BRINP3: variants seen among roughly 807,000 people sequenced by gnomAD.
BRINP3 encodes the protein BMP/retinoic acid-inducible neural-specific protein 3.
Under a neutral mutation model 71.0 loss-of-function variants are expected in BRINP3, and 19 were observed. The ratio of observed to expected loss-of-function variants is 0.27; its 90% CI spans 0.19 to 0.39. The LOEUF is 0.39. Among genes scored for constraint, BRINP3 ranks in the 10% least tolerant of loss-of-function variants. The pLI is 1.00. For synonymous variants in BRINP3, 380 were observed against 337.7 expected (o/e 1.13, Z -1.37); for missense variants, 959 against 940.8 (o/e 1.02, Z -0.25).
chr1:190,346,701 C>T (rs1453422320), intron 2 of BRINP3, among the ~76,000 whole-genome samples: 3 of 152,008 alleles, frequency 2.0e-5, no homozygotes, highest in African/African-American at 4.8e-5. Flanking sequence ...AACAAACTGC[C>T]CCTCATTCTT....
chr1:190,315,859 C>T (rs752749328), intron 2 of BRINP3, among the ~76,000 whole-genome samples: 3 of 152,124 alleles, frequency 2.0e-5, no homozygotes, highest in Non-Finnish European at 4.4e-5. Flanking sequence ...CATCACCTAC[C>T]TCATTTCCTC....
intron 3 of BRINP3, among the ~76,000 whole-genome samples, chr1:190,280,043 A>G (rs879759209): frequency 2.4e-4 from 37 of 151,910 alleles, no homozygotes; most frequent in Admixed American, 2.2e-3. Context: ...TTAAGAAAAT[A>G]TGCAAGAACT....
intron 6 of BRINP3, among the ~76,000 whole-genome samples, chr1:190,213,253 G>A (rs1436452233): frequency 6.6e-6 from 1 of 152,010 alleles, no homozygotes; most frequent in Non-Finnish European, 1.5e-5. Flanking sequence ...GTGACACATA[G>A]CTCCAGATGA....
chr1:190,304,891 A>G (rs12081131), intron 2 of BRINP3, among the ~76,000 whole-genome samples: 21,608 of 151,888 alleles, frequency 0.14, 2,049 homozygotes, highest in South Asian at 0.26. Flanking sequence ...ACCGAAATAT[A>G]CAAGGAGCTC....
Position 190,098,666 on chromosome 1 carries a change from C to A in BRINP3, c.1653G>T (p.Leu551Phe). 1 of 1,614,124 alleles carries A rather than the reference C, an allele frequency of 6.2e-7. No homozygotes were observed. The highest frequency in any genetic ancestry group is 8.5e-7 in the Non-Finnish European group (1 of 1,180,036). ...TTAAGCAAATCTGTAAAGAGAGACC[C>A]AAAATCATATGGACCAGACTTGACT... Reference protein sequence around the residue: ...KYKSSLVHMILGLSLQICLTK... With the variant: ...KYKSSLVHMIFGLSLQICLTK... The change falls in exon 8 of 8, where the codon TTG (leucine) becomes TTT (phenylalanine). Residue 551 changes from leucine (L) to phenylalanine (F), a missense_variant. Transcript: ENST00000367462.
chr1:190,462,622 A>G (rs1676470282), intron 1 of BRINP3, among the ~76,000 whole-genome samples: 1 of 152,164 alleles, frequency 6.6e-6, no homozygotes, highest in South Asian at 2.1e-4. Flanking sequence ...TTTCTTCACA[A>G]CAAAATTAAC....
chr1:190,213,716 T>A (rs553120184), intron 6 of BRINP3, among the ~76,000 whole-genome samples: 1 of 151,810 alleles, frequency 6.6e-6, no homozygotes, highest in African/African-American at 2.4e-5. Context: ...TCCATTGAAC[T>A]CCAAAGCCCA....
chr1:190,177,199 G>T (rs1158389858), intron 6 of BRINP3, among the ~76,000 whole-genome samples: 1 of 110,114 alleles, frequency 9.1e-6, no homozygotes, highest in Non-Finnish European at 1.7e-5. Context: ...GTCTCACTCT[G>T]TCACCCAGGC....
At chr1:190,127,221 A>C (rs552251866) in intron 7 of BRINP3, among the ~76,000 whole-genome samples, 1 of 151,926 alleles carries the variant, frequency 6.6e-6, no homozygotes, top group Non-Finnish European at 1.5e-5. Context: ...TATACATTTG[A>C]ACAGCTATTC....
intron 4 of BRINP3, among the ~76,000 whole-genome samples, chr1:190,244,141 T>G (rs1343159826): frequency 6.6e-6 from 1 of 152,018 alleles, no homozygotes. Flanking sequence ...CTGAAACCAT[T>G]CCCTCCACTA....
At chr1:190,204,673 G>A (rs1028955144) in intron 6 of BRINP3, among the ~76,000 whole-genome samples, 2 of 152,060 alleles carry the variant, frequency 1.3e-5, no homozygotes, top group Non-Finnish European at 2.9e-5. Context: ...CAGATGGATA[G>A]GTCAGACTAT....
At chr1:190,332,848 C>T (rs1263774631) in intron 2 of BRINP3, among the ~76,000 whole-genome samples, 1 of 151,920 alleles carries the variant, frequency 6.6e-6, no homozygotes, top group Admixed American at 6.6e-5. Flanking sequence ...AAAGATACTT[C>T]AGGCTATTAT....
At chr1:190,418,861 T>C (rs1199151362) in intron 2 of BRINP3, among the ~76,000 whole-genome samples, 2 of 152,172 alleles carry the variant, frequency 1.3e-5, no homozygotes, top group Non-Finnish European at 2.9e-5. Context: ...ACTCATTGTA[T>C]TGTTTTCAAG....
intron 2 of BRINP3, among the ~76,000 whole-genome samples, chr1:190,332,154 C>G (rs1405528478): frequency 6.6e-6 from 1 of 151,952 alleles, no homozygotes; most frequent in Non-Finnish European, 1.5e-5. Context: ...TACAATGATA[C>G]ATGTCAAGAA....
chr1:190,342,375 C>CAAAAAA (rs146458903), intron 2 of BRINP3: 4 of 118,212 alleles, frequency 3.4e-5, no homozygotes, highest in African/African-American at 1.3e-4. Context: ...GCTTTCTGTG[C>CAAAAAA]AAAAAAAAAA....
At chr1:190,454,578 C>G in intron 2 of BRINP3, 77 bp downstream of exon 2, 1 of 1,212,656 alleles carries the variant, frequency 8.2e-7, no homozygotes, top group Non-Finnish European at 1.2e-6. Context: ...CCGTCTGAAA[C>G]TTTCCCTTAG....
Position 190,151,752 on chromosome 1 carries a change from A to T in BRINP3, c.1184+8916T>A, listed in dbSNP as rs138705634. ...TGTTTGCCAGTGATTGATACCCAGCACAAAGAAGACAACTAAAGAGGTGAG... is the reference window on the plus strand; with the variant it reads ...TGTTTGCCAGTGATTGATACCCAGCTCAAAGAAGACAACTAAAGAGGTGAG... On this transcript the variant is annotated intron_variant, in intron 7 of 7. Transcript: ENST00000367462. Among the ~76,000 whole-genome samples, 506 of 152,316 alleles carry T rather than the reference A, an allele frequency of 3.3e-3. 2 individuals carry two copies. Among genetic ancestry groups the T allele is most frequent in the African/African-American group, 0.012 (493 of 41,586 alleles).
chr1:190,226,294 T>A lies in BRINP3; in HGVS notation c.749A>T (p.Tyr250Phe), dbSNP rs1657372738. The change falls in exon 6 of 8, where the codon TAT (tyrosine) becomes TTT (phenylalanine). Residue 250 changes from tyrosine (Y) to phenylalanine (F), a missense_variant. Transcript: ENST00000367462. ...TGCTTGTACAAAACGTTCCTGAAGA[T>A]AGTCTGGGAGAAGTACTTGAAGCCC... ...LQGLQVLLPDYLQERFVQAAL... is the reference protein window; with the variant it reads ...LQGLQVLLPDFLQERFVQAAL... 1 of 1,604,800 alleles carries A rather than the reference T, an allele frequency of 6.2e-7. No individual in the cohort carries two copies. The highest frequency in any genetic ancestry group is 8.5e-7 in the Non-Finnish European group (1 of 1,175,180).
intron 2 of BRINP3, chr1:190,362,094 C>G (rs1390444128): frequency 6.6e-6 from 1 of 152,154 alleles, no homozygotes; most frequent in East Asian, 1.9e-4. Context: ...ATGGCAGCAG[C>G]CTGTAAGCCA....
Sources: allele counts gnomAD v4.1 joint callset (sites outside exome capture counted in the v4.1 genomes callset), GRCh38; gene constraint gnomAD v4.1.1; transcripts MANE v1.5; gene names NCBI Gene and HGNC (gene_info 2026-07-23, HGNC 2026-07-21).